GHR: variants seen among roughly 807,000 people sequenced by gnomAD.
The protein encoded by GHR is GH receptor.
Under a neutral mutation model 67.1 loss-of-function variants are expected in GHR, and 35 were observed. That is an observed-to-expected ratio of 0.52 (90% CI 0.40 to 0.69). The LOEUF (loss-of-function observed/expected upper bound fraction) is 0.69. Among genes scored for constraint, GHR ranks in the 30% least tolerant of loss-of-function variants. The pLI, the probability that GHR is intolerant of heterozygous loss-of-function variation, is 0.00. For missense variants in GHR, 792 were observed against 764.6 expected (o/e 1.04, Z -0.42); for synonymous variants, 272 against 269.1 (o/e 1.01, Z -0.10).
At chr5:42,710,780 C>T (rs906100874) in intron 6 of GHR, among the ~76,000 whole-genome samples, 5 of 152,162 alleles carry the variant, frequency 3.3e-5, no homozygotes, top group African/African-American at 1.2e-4. Context: ...TGATATACAA[C>T]TTGCTATGGC....
At position 42,464,466 on chromosome 5, in the gene GHR, T is replaced by C. The variant is rs866999300; in HGVS notation, c.-12+40511T>C. On this transcript the variant is annotated intron_variant, in intron 1 of 9. Coordinates refer to ENST00000230882, the MANE Select transcript of GHR (RefSeq NM_000163.5). ...GGATGCACGGTGTGAATGAGCTCTC[T>C]GGAAGATGGTAGATTATGGGAAAGA... Among the ~76,000 whole-genome samples, 4 of 152,276 alleles carry C rather than the reference T, an allele frequency of 2.6e-5. No individual in the cohort carries two copies. In the Middle Eastern group the frequency reaches 0.014, roughly 518 times the overall value.
chr5:42,489,174 G>T (rs981688101), intron 1 of GHR, among the ~76,000 whole-genome samples: 1 of 151,296 alleles, frequency 6.6e-6, no homozygotes, highest in Non-Finnish European at 1.5e-5. Context: ...TTTTGTTCTC[G>T]TTCTGTCCTA....
At chr5:42,595,047 A>C (rs1751993723) in intron 2 of GHR, among the ~76,000 whole-genome samples, 1 of 152,176 alleles carries the variant, frequency 6.6e-6, no homozygotes, top group East Asian at 1.9e-4. Flanking sequence ...GCCCAACATA[A>C]ATACTAATAG....
chr5:42,610,429 C>A (rs1421057790), intron 2 of GHR, among the ~76,000 whole-genome samples: 1 of 152,148 alleles, frequency 6.6e-6, no homozygotes, highest in Non-Finnish European at 1.5e-5. Flanking sequence ...CTCCAGCAGC[C>A]AGCTAGTGGC....
chr5:42,500,644 T>C, intron 1 of GHR, among the ~76,000 whole-genome samples: 1 of 152,350 alleles, frequency 6.6e-6, no homozygotes, highest in South Asian at 2.1e-4. Flanking sequence ...TTCATGATTA[T>C]TTTCTGCTTC....
chr5:42,493,159 T>C (rs1165012629), intron 1 of GHR, among the ~76,000 whole-genome samples: 5 of 152,216 alleles, frequency 3.3e-5, no homozygotes, highest in Non-Finnish European at 7.3e-5. Flanking sequence ...TCAGTGATTC[T>C]GTAGGCAGAA....
chr5:42,530,466 A>G (rs1038893096), intron 1 of GHR, among the ~76,000 whole-genome samples: 4 of 152,214 alleles, frequency 2.6e-5, no homozygotes, highest in African/African-American at 9.6e-5. Flanking sequence ...AAGTAGCAAG[A>G]TGAGCCATGG....
intron 1 of GHR, among the ~76,000 whole-genome samples, chr5:42,511,050 G>A: frequency 6.6e-6 from 1 of 152,148 alleles, no homozygotes; most frequent in East Asian, 1.9e-4. Context: ...AGTAGCATAT[G>A]AGCTGCTTGC....
At chr5:42,613,879 G>A (rs1404010222) in intron 2 of GHR, among the ~76,000 whole-genome samples, 1 of 151,980 alleles carries the variant, frequency 6.6e-6, no homozygotes, top group African/African-American at 2.4e-5. Flanking sequence ...AAAATAAACT[G>A]GCATTGCTAA....
In GHR at chr5:42,540,907, T is replaced by G. The variant is rs145129134; in HGVS notation, c.-11-24957T>G. 7.1e-4 allele frequency among the ~76,000 whole-genome samples: 108 copies of G among 152,054 alleles called. 1 individual carries two copies. In the East Asian group the frequency reaches 0.019, roughly 26 times the overall value. ...CAAATAAAGCAGATCTAGCACATTT[T>G]AATTATCCTTTGTGACAGTCTCTAG... On this transcript the variant is annotated intron_variant, in intron 1 of 9. Transcript: ENST00000230882.
At chr5:42,487,634 A>G (rs1441338983) in intron 1 of GHR, among the ~76,000 whole-genome samples, 2 of 151,686 alleles carry the variant, frequency 1.3e-5, no homozygotes, top group Non-Finnish European at 2.9e-5. Flanking sequence ...TCAGTGGGCC[A>G]TATTTCTTCC....
At chr5:42,546,723 G>A (rs942606600) in intron 1 of GHR, among the ~76,000 whole-genome samples, 2 of 152,178 alleles carry the variant, frequency 1.3e-5, no homozygotes, top group Non-Finnish European at 2.9e-5. Flanking sequence ...GCATATTTGT[G>A]TGTGAGAGAG....
At chr5:42,621,531 A>G (rs1753444607) in intron 2 of GHR, among the ~76,000 whole-genome samples, 1 of 152,168 alleles carries the variant, frequency 6.6e-6, no homozygotes, top group Non-Finnish European at 1.5e-5. Flanking sequence ...AAACTTCCAC[A>G]TTTGTCCCTC....
At chr5:42,606,132 G>A (rs953129771) in intron 2 of GHR, among the ~76,000 whole-genome samples, 1 of 151,922 alleles carries the variant, frequency 6.6e-6, no homozygotes, top group Non-Finnish European at 1.5e-5. Flanking sequence ...AAAAGTTGGG[G>A]TGCTCAATGT....
intron 1 of GHR, among the ~76,000 whole-genome samples, chr5:42,534,907 A>C (rs1170930164): frequency 1.3e-5 from 2 of 151,958 alleles, no homozygotes; most frequent in African/African-American, 4.8e-5. Context: ...CATTTCCCTT[A>C]TCATTAGTGA....
intron 1 of GHR, among the ~76,000 whole-genome samples, chr5:42,524,778 G>A (rs372072978): frequency 1.3e-5 from 2 of 152,284 alleles, no homozygotes; most frequent in African/African-American, 4.8e-5. Context: ...AGGACTTGGT[G>A]CTCTATGTCC....
intron 1 of GHR, among the ~76,000 whole-genome samples, chr5:42,527,308 T>C (rs528548062): frequency 3.9e-5 from 6 of 152,168 alleles, no homozygotes; most frequent in African/African-American, 1.2e-4. Flanking sequence ...AAAGACCCAA[T>C]GGTATCCTGT....
chr5:42,689,077 C>G, intron 4 of GHR, 58 bp downstream of exon 4: 1 of 1,395,692 alleles, frequency 7.2e-7, no homozygotes, highest in Non-Finnish European at 1.0e-6. Flanking sequence ...CTAAAGTACA[C>G]TGAGTCAGAT....
intron 1 of GHR, chr5:42,468,232 T>G: frequency 6.5e-7 from 1 of 1,529,426 alleles, no homozygotes; most frequent in South Asian, 1.1e-5. Flanking sequence ...GGATGCCTGA[T>G]CTGGGAAGTT....
Sources: allele counts gnomAD v4.1 joint callset (sites outside exome capture counted in the v4.1 genomes callset), GRCh38; gene constraint gnomAD v4.1.1; transcripts MANE v1.5; gene names NCBI Gene and HGNC (gene_info 2026-07-23, HGNC 2026-07-21).